Variants in MYO9B observed in about 807,000 individuals in gnomAD.
MYO9B encodes myosin IXB.
In MYO9B, 71 loss-of-function variants were observed where a neutral mutation model predicts 229.5. The ratio of observed to expected loss-of-function variants is 0.31; its 90% CI spans 0.26 to 0.38. MYO9B has a LOEUF of 0.38. Ranked by LOEUF, MYO9B falls within the 10% of genes least tolerant of loss-of-function variation. The probability of loss-of-function intolerance (pLI) is 1.00; values close to 1 mark genes in which losing one functional copy is unlikely to be tolerated. For missense variants in MYO9B, 2,255 were observed against 2,920.5 expected, an observed-to-expected ratio of 0.77 and a Z score of 5.25; for synonymous variants, 1,185 against 1,235.8, an observed-to-expected ratio of 0.96 and a Z score of 0.86.
chr19:17,169,439 C>T (rs1201523623), intron 11 of MYO9B, among the ~76,000 whole-genome samples: 2 of 150,330 alleles, frequency 1.3e-5, no homozygotes, highest in African/African-American at 4.9e-5. Flanking sequence ...GCCAACATGG[C>T]AAAACCCCAT....
At chr19:17,183,925 C>T in intron 16 of MYO9B, 57 bp downstream of exon 16, 10 of 1,492,598 alleles carry the variant, frequency 6.7e-6, no homozygotes, top group Admixed American at 4.2e-5. Context: ...CTTCTCTGCC[C>T]GTCTTGAGAG....
At chr19:17,205,123 C>A in intron 30 of MYO9B, 140 bp from the exon 31 acceptor site, 1 of 624,382 alleles carries the variant, frequency 1.6e-6, no homozygotes, top group Non-Finnish European at 2.8e-6. Flanking sequence ...TGCGCTCTAG[C>A]CTGAGAACAA....
At position 17,193,180 on chromosome 19, in the gene MYO9B, C is replaced by A; in HGVS notation, c.3128+118C>A. 8.4e-7 allele frequency: 1 copy of A among 1,184,224 alleles called. No individual in the cohort carries two copies. Among genetic ancestry groups the A allele is most frequent in the Non-Finnish European group, 1.1e-6 (1 of 889,716 alleles). 73.4% of individuals were successfully genotyped at this position (1,184,224 alleles called of 1,614,324 possible). On this transcript the variant is annotated intron_variant, in intron 21 of 39. Transcript: ENST00000682292. The surrounding 1 kb of genome is among the most constrained non-coding windows in gnomAD (Gnocchi z 4.3). ...GGCACTAAGGGGATGTCATTCTGGACACAGGGAAAGGCTGGTGGGAAACCA... is the reference window on the plus strand; with the variant it reads ...GGCACTAAGGGGATGTCATTCTGGAAACAGGGAAAGGCTGGTGGGAAACCA...
intron 24 of MYO9B, among the ~76,000 whole-genome samples, chr19:17,198,779 C>T (rs1257297474): frequency 6.6e-6 from 1 of 151,094 alleles, no homozygotes; most frequent in Non-Finnish European, 1.5e-5. Context: ...AGGATCCTTC[C>T]TGCCTCTTCT....
At chr19:17,109,728 C>T (rs569864467) in intron 2 of MYO9B, among the ~76,000 whole-genome samples, 81 of 152,280 alleles carry the variant, frequency 5.3e-4, no homozygotes, top group Non-Finnish European at 1.0e-3. Context: ...GGCTTGTGGC[C>T]GCATCACTCT....
intron 2 of MYO9B, among the ~76,000 whole-genome samples, chr19:17,116,190 C>T (rs902781864): frequency 1.3e-5 from 2 of 152,180 alleles, no homozygotes; most frequent in African/African-American, 4.8e-5. Context: ...TCTGAGATCG[C>T]GTGCATCCTG....
At chr19:17,117,571 TA>T (rs2057916957) in intron 2 of MYO9B, among the ~76,000 whole-genome samples, 2 of 152,208 alleles carry the variant, frequency 1.3e-5, no homozygotes, top group Non-Finnish European at 2.9e-5. Context: ...GGGTTCTCTG[TA>T]AATCCCGGAC....
In MYO9B at chr19:17,159,392, C is replaced by A. The variant is rs750325877; in HGVS notation, c.1330-3C>A. On this transcript the variant is annotated splice_polypyrimidine_tract_variant and splice_region_variant and intron_variant, in intron 7 of 39. Transcript: ENST00000682292. ...CTTCTCCCTCTCCTTGACCTCCAAACAGGTGAAGCGAGAAATCTTGGTGGA... is the reference window on the plus strand; with the variant it reads ...CTTCTCCCTCTCCTTGACCTCCAAAAAGGTGAAGCGAGAAATCTTGGTGGA... The A allele has an allele frequency of 2.5e-6, 4 of 1,601,126 alleles. No homozygotes were observed. Among genetic ancestry groups the A allele is most frequent in the East Asian group, 2.2e-5 (1 of 44,452 alleles).
intron 5 of MYO9B, 83 bp downstream of exon 5, chr19:17,154,149 C>A: frequency 7.0e-7 from 1 of 1,422,242 alleles, no homozygotes; most frequent in Non-Finnish European, 9.9e-7. Context: ...AAGTCAGAGG[C>A]AGCCTGCCCT....
intron 9 of MYO9B, among the ~76,000 whole-genome samples, chr19:17,162,687 C>G (rs1210142194): frequency 6.6e-6 from 1 of 151,966 alleles, no homozygotes; most frequent in Non-Finnish European, 1.5e-5. Context: ...ACGACAGATT[C>G]TGGCATGTAC....
chr19:17,099,249 G>A (rs1243798747), intron 1 of MYO9B: 1 of 151,510 alleles, frequency 6.6e-6, no homozygotes, highest in African/African-American at 2.4e-5. Context: ...ACTCCAGCAT[G>A]GTGATAGAGT....
intron 2 of MYO9B, among the ~76,000 whole-genome samples, chr19:17,123,972 A>G (rs183792675): frequency 3.9e-5 from 6 of 152,086 alleles, no homozygotes; most frequent in Middle Eastern, 3.4e-3. Flanking sequence ...TGCAGCCTCA[A>G]TCTCGTGGGC....
At chr19:17,175,639 C>T in intron 13 of MYO9B, 24 bp from the exon 14 acceptor site, 2 of 1,544,530 alleles carry the variant, frequency 1.3e-6, no homozygotes, top group Non-Finnish European at 1.7e-6. Context: ...ATCCCCACCA[C>T]CATCCACTCT....
At chr19:17,100,628 G>C (rs1179532798) in intron 1 of MYO9B, among the ~76,000 whole-genome samples, 2 of 152,138 alleles carry the variant, frequency 1.3e-5, no homozygotes, top group East Asian at 1.9e-4. Flanking sequence ...AGAATCTCCT[G>C]TGGTCTTGGA....
chr19:17,207,056 C>T (rs2073170081), intron 34 of MYO9B, 57 bp from the exon 35 acceptor site: 2 of 1,592,662 alleles, frequency 1.3e-6, no homozygotes, highest in Non-Finnish European at 8.5e-7. Flanking sequence ...TCTCGGGGCT[C>T]CCTGGTACCT....
chr19:17,175,235 G>A (rs1375684255), intron 13 of MYO9B, among the ~76,000 whole-genome samples: 2 of 149,970 alleles, frequency 1.3e-5, no homozygotes, highest in Non-Finnish European at 2.9e-5. Context: ...TCGCACCACT[G>A]CACTCGGCCT....
chr19:17,156,974 G>A lies in MYO9B; in HGVS notation c.1265G>A (p.Gly422Asp). The stretch of plus-strand genomic sequence containing the variant: ...GTCACTTATAAGAAGAGAGCTACAG[G>A]CCGAGAGGAAGGGTTGGAGGTCGGG... ...GNVTYKKRAT[G>D]REEGLEVGPP... The change falls in exon 7 of 40, where the codon GGC (glycine) becomes GAC (aspartate). Residue 422 changes from glycine to aspartate, a missense_variant. Gly to Asp is a moderately conservative substitution (Grantham distance 94). This residue lies in a region of MYO9B where 220 missense variants were observed against 404.5 expected (regional missense o/e 0.54). Transcript: ENST00000682292. 6.2e-7 allele frequency: 1 copy of A among 1,613,918 alleles called. No individual in the cohort carries two copies. The highest frequency in any genetic ancestry group is 8.5e-7 in the Non-Finnish European group (1 of 1,179,874).
In MYO9B at chr19:17,082,198, C is replaced by T. The variant is rs568003109; in HGVS notation, c.-59+6324C>T. ...AACAGAAATAGCCCTCGCCTCTGTTCAGATGTTCAGCCAGGAGTCACGAGC... is the reference window on the plus strand; with the variant it reads ...AACAGAAATAGCCCTCGCCTCTGTTTAGATGTTCAGCCAGGAGTCACGAGC... On this transcript the variant is annotated intron_variant, in intron 1 of 39. Transcript: ENST00000682292. Among the ~76,000 whole-genome samples, 11 of 152,256 alleles carry T rather than the reference C, an allele frequency of 7.2e-5. No individual in the cohort carries two copies. In the South Asian group the frequency reaches 2.1e-3, roughly 29 times the overall value.
intron 24 of MYO9B, among the ~76,000 whole-genome samples, chr19:17,199,234 A>G (rs2073079901): frequency 2.0e-5 from 3 of 152,066 alleles, no homozygotes; most frequent in Admixed American, 2.0e-4. Flanking sequence ...TAAAAAGATA[A>G]TGAGCTAGGC....
Sources: gnomAD v4.1 joint callset for allele counts (sites outside exome capture counted in the v4.1 genomes callset) on GRCh38, gnomAD v4.1.1 for gene constraint, gnomAD v4.1.1 regional missense constraint, Gnocchi (gnomAD v3.1) non-coding constraint, MANE v1.5 for transcripts, NCBI Gene and HGNC (gene_info 2026-07-23, HGNC 2026-07-21) for gene names.